The following NEURL1 variants were observed in gnomAD, a reference collection of about 807,000 sequenced individuals.
NEURL1 encodes the protein E3 ubiquitin-protein ligase NEURL1.
Under a neutral mutation model 41.2 loss-of-function variants are expected in NEURL1, and 26 were observed. The observed-to-expected ratio is 0.63, with a 90% confidence interval of 0.46 to 0.87. The LOEUF (loss-of-function observed/expected upper bound fraction) is 0.87. Among genes scored for constraint, NEURL1 ranks in the 40% least tolerant of loss-of-function variants. NEURL1 has a pLI of 0.00. For synonymous variants in NEURL1, 400 were observed against 402.3 expected, an observed-to-expected ratio of 0.99 and a Z score of 0.07; for missense variants, 761 against 871.1, an observed-to-expected ratio of 0.87 and a Z score of 1.59.
chr10:103,590,408 T>C lies in NEURL1; in HGVS notation c.*36T>C, dbSNP rs376852318. 33 of 1,562,890 alleles carry C rather than the reference T, an allele frequency of 2.1e-5. No homozygotes were observed. Among genetic ancestry groups the C allele is most frequent in the Non-Finnish European group, 2.6e-5 (30 of 1,135,282 alleles). On this transcript the variant is annotated 3_prime_UTR_variant, in exon 6 of 6. Transcript: ENST00000369780. The stretch of plus-strand genomic sequence containing the variant: ...TGGCCCATCCCGCATACCCATCTTC[T>C]CGGGCTTCAGCCCAGTCCCAGCTGA...
chr10:103,585,087 C>T lies in NEURL1; in HGVS notation c.1201C>T (p.Leu401=), dbSNP rs774140005. 2.7e-4 allele frequency: 430 copies of T among 1,590,980 alleles called. 6 individuals are homozygous for T. The Middle Eastern group carries it at 0.02, about 73-fold the overall frequency. ...CCTGCACAGCGGCGACATCCTGGGC[C>T]TGGTGGTCAACGCCGACGGCGAGCT... ...GPLHSGDILG[L]VVNADGELHL... is the part of the protein sequence containing the mutation. Residue 401 remains leucine (L), a synonymous_variant, in exon 4 of 6, where the codon CTG becomes TTG. Transcript: ENST00000369780.
intron 1 of NEURL1, among the ~76,000 whole-genome samples, chr10:103,565,134 G>T (rs1380152334): frequency 1.3e-5 from 2 of 152,140 alleles, no homozygotes; most frequent in Non-Finnish European, 2.9e-5. Context: ...TGGTAGATGG[G>T]GTGAGGGGTG....
rs2033989721 is a variant in NEURL1 at position 103,508,121 on chromosome 10, G to A, written c.85+13649G>A. 6.6e-6 allele frequency among the ~76,000 whole-genome samples: 1 copy of A among 152,250 alleles called. No homozygotes were observed. Among genetic ancestry groups the A allele is most frequent in the Admixed American group, 6.5e-5 (1 of 15,288 alleles). Reference sequence around the variant, plus strand: ...AAGAGCAGCTGAGAACCAGGCAACAGCTGGGAAAGTGGGGAGAGGAGGAAA... The same window carrying A: ...AAGAGCAGCTGAGAACCAGGCAACAACTGGGAAAGTGGGGAGAGGAGGAAA... On this transcript the variant is annotated intron_variant, in intron 1 of 5. Coordinates refer to ENST00000369780, the MANE Select transcript of NEURL1 (RefSeq NM_004210.5). This position sits in a 1 kb window ranked among gnomAD's most constrained non-coding sequence, Gnocchi z 4.3.
At chr10:103,518,911 A>G (rs2034278862) in intron 1 of NEURL1, among the ~76,000 whole-genome samples, 2 of 152,160 alleles carry the variant, frequency 1.3e-5, no homozygotes, top group South Asian at 4.1e-4. Context: ...CAGTACTGTT[A>G]TATTTATTTA....
chr10:103,590,539 C>A lies in NEURL1; in HGVS notation c.*167C>A. On this transcript the variant is annotated 3_prime_UTR_variant, in exon 6 of 6. Coordinates refer to ENST00000369780, the MANE Select transcript of NEURL1 (RefSeq NM_004210.5). ...TGAAGGTTTGGGGAGAGGGGGGTATCAGGCAGGGAGGGGGCAGAGGCAAAT... is the reference window on the plus strand; with the variant it reads ...TGAAGGTTTGGGGAGAGGGGGGTATAAGGCAGGGAGGGGGCAGAGGCAAAT... The A allele has an allele frequency of 3.2e-6, 2 of 621,198 alleles. No individual in the cohort carries two copies. Among genetic ancestry groups the A allele is most frequent in the East Asian group, 2.8e-5 (1 of 36,296 alleles). The allele number at this position is 621,198 out of a possible 1,614,324, so 38.5% of individuals were successfully genotyped here.
intron 1 of NEURL1, chr10:103,494,770 T>G: frequency 5.3e-6 from 2 of 375,138 alleles, no homozygotes; most frequent in Non-Finnish European, 9.5e-6. Flanking sequence ...GCCAGGTCGA[T>G]AGGGGAGTGG....
chr10:103,506,259 G>A (rs1446660540), intron 1 of NEURL1, among the ~76,000 whole-genome samples: 1 of 152,220 alleles, frequency 6.6e-6, no homozygotes, highest in Admixed American at 6.5e-5. Flanking sequence ...AGGGCATGGG[G>A]CAGTCCAGAG....
chr10:103,543,827 G>A (rs1161574627), intron 1 of NEURL1, among the ~76,000 whole-genome samples: 1 of 152,180 alleles, frequency 6.6e-6, no homozygotes, highest in African/African-American at 2.4e-5. Context: ...GGCACTCCAA[G>A]GAGAGGGACA....
Position 103,590,420 on chromosome 10 carries a change from C to T in NEURL1, c.*48C>T. ...CATACCCATCTTCTCGGGCTTCAGC[C>T]CAGTCCCAGCTGAGGAACAAGCCAG... On this transcript the variant is annotated 3_prime_UTR_variant, in exon 6 of 6. Coordinates refer to ENST00000369780, the MANE Select transcript of NEURL1 (RefSeq NM_004210.5). The T allele has an allele frequency of 6.6e-7, 1 of 1,516,264 alleles. No homozygotes were observed. The highest frequency in any genetic ancestry group is 9.1e-7 in the Non-Finnish European group (1 of 1,094,310). 93.9% of individuals were successfully genotyped at this position (1,516,264 alleles called of 1,614,324 possible).
chr10:103,517,956 G>A (rs560764829), intron 1 of NEURL1, among the ~76,000 whole-genome samples: 1 of 152,262 alleles, frequency 6.6e-6, no homozygotes, highest in South Asian at 2.1e-4. Flanking sequence ...CCGATCTTTG[G>A]CATCCAATGA....
At chr10:103,573,589 T>A (rs1359431280) in intron 3 of NEURL1, among the ~76,000 whole-genome samples, 1 of 151,936 alleles carries the variant, frequency 6.6e-6, no homozygotes, top group Non-Finnish European at 1.5e-5. Context: ...GGCACTGGAG[T>A]CCCAGCGCTT....
chr10:103,562,244 G>A (rs554643180), intron 1 of NEURL1, among the ~76,000 whole-genome samples: 3 of 152,220 alleles, frequency 2.0e-5, no homozygotes, highest in South Asian at 4.2e-4. Context: ...TTAGCCAGGC[G>A]TGGTGGCTCG....
At chr10:103,541,174 T>A (rs2034813210) in intron 1 of NEURL1, among the ~76,000 whole-genome samples, 1 of 152,116 alleles carries the variant, frequency 6.6e-6, no homozygotes, top group Admixed American at 6.5e-5. Context: ...AACTGGGTAG[T>A]AGTAGTCCAG....
At position 103,584,899 on chromosome 10, in the gene NEURL1, T is replaced by C; in HGVS notation, c.1013T>C (p.Ile338Thr). The C allele has an allele frequency of 1.5e-6, 2 of 1,356,954 alleles. No individual in the cohort carries two copies. The highest frequency in any genetic ancestry group is 1.9e-6 in the Non-Finnish European group (2 of 1,050,382). The allele number at this position is 1,356,954 out of a possible 1,614,324, so 84.1% of individuals were successfully genotyped here. ...TSRPVRVAET[I>T]FVKVTRSGGA... ...CGGCCCGTGCGCGTGGCCGAGACCATCTTCGTCAAGGTCACGCGCTCGGGT... is the reference window on the plus strand; with the variant it reads ...CGGCCCGTGCGCGTGGCCGAGACCACCTTCGTCAAGGTCACGCGCTCGGGT... The change falls in exon 4 of 6, where the codon ATC becomes ACC. Residue 338 changes from isoleucine (I) to threonine (T), a missense_variant. Ile to Thr is a moderately conservative substitution (Grantham distance 89). Transcript: ENST00000369780.
chr10:103,552,048 G>A (rs574961711), intron 1 of NEURL1, among the ~76,000 whole-genome samples: 2 of 150,684 alleles, frequency 1.3e-5, no homozygotes, highest in Non-Finnish European at 3.0e-5. Flanking sequence ...TTTTCTGAGT[G>A]CCTGCTCCGG....
At chr10:103,568,206 G>A (rs1038148088) in intron 1 of NEURL1, among the ~76,000 whole-genome samples, 4 of 152,206 alleles carry the variant, frequency 2.6e-5, no homozygotes, top group Admixed American at 6.5e-5. Flanking sequence ...GCCAGCCAGG[G>A]TGCTGGGCCT....
chr10:103,529,020 GGGTCAAT>G (rs1477454082), intron 1 of NEURL1, among the ~76,000 whole-genome samples: 2 of 152,138 alleles, frequency 1.3e-5, no homozygotes, highest in Non-Finnish European at 2.9e-5. Context: ...GAAATAAGCA[GGGTCAAT>G]CTAAATTGCA....
chr10:103,564,817 AG>A (rs1490980230), intron 1 of NEURL1, among the ~76,000 whole-genome samples: 1 of 149,242 alleles, frequency 6.7e-6, no homozygotes. Context: ...CTATGTCCAA[AG>A]TTCATTCTCA....
intron 1 of NEURL1, among the ~76,000 whole-genome samples, chr10:103,503,652 G>C (rs1482358416): frequency 3.3e-5 from 5 of 152,172 alleles, no homozygotes; most frequent in Non-Finnish European, 5.9e-5. Flanking sequence ...AATGCAATAG[G>C]TGAGTGCTCA....
Sources: allele counts gnomAD v4.1 joint callset (sites outside exome capture counted in the v4.1 genomes callset), GRCh38; gene constraint gnomAD v4.1.1; non-coding constraint Gnocchi (gnomAD v3.1); transcripts MANE v1.5; gene names NCBI Gene and HGNC (gene_info 2026-07-23, HGNC 2026-07-21).